Variants in LYPLAL1 observed in about 807,000 individuals in gnomAD.
LYPLAL1 encodes lysophospholipase-like protein 1.
LYPLAL1 carries 23 observed loss-of-function variants against 19.7 expected under a neutral mutation model. The observed-to-expected ratio is 1.17, with a 90% confidence interval of 0.84 to 1.65. The LOEUF (loss-of-function observed/expected upper bound fraction) is 1.65, where lower values mean the gene tolerates loss of function less well. Ranked by LOEUF, LYPLAL1 falls within the 40% of genes most tolerant of loss-of-function variation. The pLI is 0.00. For synonymous variants in LYPLAL1, 119 were observed against 96.3 expected (o/e 1.24, Z -1.38); for missense variants, 355 against 279.4 (o/e 1.27, Z -1.93).
chr1:219,424,721 G>C, the LYPLAL1 span, among the ~76,000 whole-genome samples: 4 of 152,214 alleles, frequency 2.6e-5, no homozygotes, highest in Non-Finnish European at 4.4e-5. Context: ...TGTCCAGCAG[G>C]ACCACCTCTC....
At chr1:219,242,834 G>T in the LYPLAL1 span, among the ~76,000 whole-genome samples, 1 of 152,012 alleles carries the variant, frequency 6.6e-6, no homozygotes, top group African/African-American at 2.4e-5. Context: ...TAAGAATTTG[G>T]CATAACAATT....
the LYPLAL1 span, among the ~76,000 whole-genome samples, chr1:219,428,905 A>G: frequency 2.0e-5 from 3 of 151,846 alleles, no homozygotes; most frequent in Non-Finnish European, 4.4e-5. Flanking sequence ...CTGGGTACAG[A>G]CTATTATAGC....
the LYPLAL1 span, among the ~76,000 whole-genome samples, chr1:219,301,483 T>A: frequency 6.6e-6 from 1 of 152,218 alleles, no homozygotes; most frequent in Non-Finnish European, 1.5e-5. Flanking sequence ...AATGTAAGTT[T>A]ATTTGCAATT....
chr1:219,323,003 A>G, the LYPLAL1 span, among the ~76,000 whole-genome samples: 1 of 152,244 alleles, frequency 6.6e-6, no homozygotes, highest in Non-Finnish European at 1.5e-5. Flanking sequence ...CTTGAAGTTC[A>G]AAGATACTTG....
At chr1:219,274,758 G>A in the LYPLAL1 span, among the ~76,000 whole-genome samples, 7 of 152,148 alleles carry the variant, frequency 4.6e-5, no homozygotes, top group African/African-American at 1.7e-4. Context: ...TCTATGCTGA[G>A]TTTTAAGGAT....
the LYPLAL1 span, among the ~76,000 whole-genome samples, chr1:219,264,285 C>T: frequency 1.3e-5 from 2 of 152,180 alleles, no homozygotes; most frequent in East Asian, 3.9e-4. Context: ...ATTGGGTGGA[C>T]AGAGGAATTT....
At chr1:219,384,209 A>G in the LYPLAL1 span, among the ~76,000 whole-genome samples, 4,525 of 152,378 alleles carry the variant, frequency 0.03, 92 homozygotes, top group South Asian at 0.059. Flanking sequence ...TAAAACAGAT[A>G]GGGCAAAATA....
At chr1:219,231,705 A>C in the LYPLAL1 span, among the ~76,000 whole-genome samples, 1 of 152,210 alleles carries the variant, frequency 6.6e-6, no homozygotes, top group Non-Finnish European at 1.5e-5. Flanking sequence ...TCCCTGGGGA[A>C]GTCCAACCAG....
chr1:219,237,993 C>T, the LYPLAL1 span, among the ~76,000 whole-genome samples: 22 of 152,200 alleles, frequency 1.4e-4, no homozygotes, highest in African/African-American at 5.3e-4. Flanking sequence ...ATCTATGCAC[C>T]TGGCTTTTAG....
the LYPLAL1 span, among the ~76,000 whole-genome samples, chr1:219,332,323 AC>A: frequency 2.0e-5 from 3 of 152,072 alleles, no homozygotes; most frequent in Admixed American, 6.6e-5. Flanking sequence ...GTTTTAGTCA[AC>A]CCCTGTTTGT....
the LYPLAL1 span, among the ~76,000 whole-genome samples, chr1:219,389,358 G>A: frequency 6.6e-6 from 1 of 152,146 alleles, no homozygotes; most frequent in African/African-American, 2.4e-5. Flanking sequence ...GAAATGGCCA[G>A]GAAAAGCATC....
At chr1:219,195,077 A>G (rs1328027958) in intron 3 of LYPLAL1, among the ~76,000 whole-genome samples, 2 of 152,076 alleles carry the variant, frequency 1.3e-5, no homozygotes, top group East Asian at 1.9e-4. Flanking sequence ...ACCACTTATT[A>G]CCTACACTTA....
the LYPLAL1 span, among the ~76,000 whole-genome samples, chr1:219,313,630 G>A: frequency 6.6e-6 from 1 of 151,922 alleles, no homozygotes; most frequent in South Asian, 2.1e-4. Context: ...ATACTTCCGG[G>A]TTCATGTGAT....
chr1:219,412,300 T>A, the LYPLAL1 span, among the ~76,000 whole-genome samples: 1 of 152,210 alleles, frequency 6.6e-6, no homozygotes, highest in South Asian at 2.1e-4. Context: ...GTGCTGAGAT[T>A]ACAGGTATGA....
intron 1 of LYPLAL1, among the ~76,000 whole-genome samples, chr1:219,177,852 ACTT>A (rs1199221953): frequency 2.0e-5 from 3 of 152,046 alleles, no homozygotes; most frequent in African/African-American, 4.8e-5. Flanking sequence ...AATATTCATG[ACTT>A]CTTCATGAAC....
chr1:219,383,060 A>C, the LYPLAL1 span, among the ~76,000 whole-genome samples: 1 of 152,212 alleles, frequency 6.6e-6, no homozygotes, highest in Non-Finnish European at 1.5e-5. Flanking sequence ...TGGACTGTTC[A>C]TGAAGTCAAA....
the LYPLAL1 span, among the ~76,000 whole-genome samples, chr1:219,279,522 A>G: frequency 2.0e-5 from 3 of 152,152 alleles, no homozygotes; most frequent in South Asian, 6.2e-4. Flanking sequence ...AGTCATCTGA[A>G]ACACAGAGTG....
the LYPLAL1 span, among the ~76,000 whole-genome samples, chr1:219,419,594 C>CACACAGAGAG: frequency 5.3e-3 from 531 of 99,570 alleles, 3 homozygotes; most frequent in South Asian, 0.014. Flanking sequence ...CACACACACA[C>CACACAGAGAG]AGAGAGAGAG....
At chr1:219,291,741 A>C in the LYPLAL1 span, among the ~76,000 whole-genome samples, 1 of 152,102 alleles carries the variant, frequency 6.6e-6, no homozygotes, top group Non-Finnish European at 1.5e-5. Flanking sequence ...TTAGTAATTA[A>C]AATCACCTGT....
Sources: gnomAD v4.1 joint callset for allele counts (sites outside exome capture counted in the v4.1 genomes callset) on GRCh38, gnomAD v4.1.1 for gene constraint, MANE v1.5 for transcripts, NCBI Gene and HGNC (gene_info 2026-07-23, HGNC 2026-07-21) for gene names.